The following FNBP1 variants were observed in gnomAD, a reference collection of about 807,000 sequenced individuals.
FNBP1 encodes the protein formin binding protein 1, also known as formin-binding protein 1.
Under a neutral mutation model 90.6 loss-of-function variants are expected in FNBP1, and 26 were observed. The observed-to-expected ratio is 0.29, with a 90% CI of 0.21 to 0.40. The LOEUF (loss-of-function observed/expected upper bound fraction) is 0.40, where lower values mean the gene tolerates loss of function less well. FNBP1 is among the 10% of genes least tolerant of loss of function. The probability of loss-of-function intolerance (pLI) is 1.00; values close to 1 mark genes in which losing one functional copy is unlikely to be tolerated. For synonymous variants in FNBP1, 260 were observed against 265.2 expected, an observed-to-expected ratio of 0.98 and a Z score of 0.19; for missense variants, 635 against 768.0, an observed-to-expected ratio of 0.83 and a Z score of 2.05.
At chr9:129,919,327 TTTCAAAATCTTTC>T (rs2040749685) in intron 10 of FNBP1, 1 of 602,460 alleles carries the variant, frequency 1.7e-6, no homozygotes, top group African/African-American at 1.9e-5. Context: ...TGGTAAGGAT[TTTCAAAATCTTTC>T]GGTCAACTTT....
intron 7 of FNBP1, among the ~76,000 whole-genome samples, chr9:129,928,207 C>A (rs975506086): frequency 2.6e-5 from 4 of 152,128 alleles, no homozygotes; most frequent in African/African-American, 9.7e-5. Context: ...TTTTTGACAA[C>A]CTAACATGAG....
intron 2 of FNBP1, among the ~76,000 whole-genome samples, chr9:129,985,879 T>G (rs1056781476): frequency 2.7e-5 from 4 of 150,668 alleles, no homozygotes; most frequent in Non-Finnish European, 5.9e-5. Flanking sequence ...GGAGAATCGC[T>G]TCAACCCAGG....
intron 11 of FNBP1, among the ~76,000 whole-genome samples, chr9:129,912,601 T>C (rs1426113516): frequency 6.7e-6 from 1 of 148,244 alleles, no homozygotes; most frequent in Non-Finnish European, 1.5e-5. Flanking sequence ...GGCAGGAAAA[T>C]CGCTTGAACC....
At chr9:129,955,603 C>G (rs941186352) in intron 6 of FNBP1, among the ~76,000 whole-genome samples, 3 of 151,664 alleles carry the variant, frequency 2.0e-5, no homozygotes, top group African/African-American at 7.3e-5. Context: ...CTCCTGTAGT[C>G]CCAGCTACTC....
intron 11 of FNBP1, among the ~76,000 whole-genome samples, chr9:129,914,163 T>C (rs2039849896): frequency 1.3e-5 from 2 of 151,430 alleles, no homozygotes; most frequent in African/African-American, 4.8e-5. Flanking sequence ...GTCCCACATC[T>C]TTTTTCTTTT....
chr9:129,965,698 G>GCGCGCA (rs2048457949), intron 4 of FNBP1, among the ~76,000 whole-genome samples: 1 of 66,566 alleles, frequency 1.5e-5, no homozygotes, highest in Admixed American at 1.6e-4. Flanking sequence ...ACACACACAC[G>GCGCGCA]CGCGCGCGCG....
rs530099308 is a variant in FNBP1 at position 129,972,129 on chromosome 9, TTTTA to T, written c.345+6332_345+6335del. 2.4e-3 allele frequency among the ~76,000 whole-genome samples: 363 copies of T among 152,222 alleles called. 1 individual carries two copies. Among genetic ancestry groups the T allele is most frequent in the African/African-American group, 8.2e-3 (340 of 41,550 alleles). The stretch of plus-strand genomic sequence containing the variant: ...TCCTATGCCATCAACCAATTCCACA[TTTTA>T]TTTATTTATTTATTTTTCGAGATGG... On this transcript the variant is annotated intron_variant, in intron 4 of 16. Transcript: ENST00000446176.
chr9:130,001,325 A>C (rs1418408181), intron 1 of FNBP1, among the ~76,000 whole-genome samples: 13 of 10,342 alleles, frequency 1.3e-3, no homozygotes, highest in Non-Finnish European at 0.011. Context: ...AAAACAAAAC[A>C]AAACAAAAAA....
At chr9:130,016,718 G>T (rs2057279193) in intron 1 of FNBP1, among the ~76,000 whole-genome samples, 1 of 152,014 alleles carries the variant, frequency 6.6e-6, no homozygotes, top group Admixed American at 6.6e-5. Flanking sequence ...ACTCTAGCCT[G>T]GACAACAAGA....
chr9:129,962,462 C>G (rs1341745944), intron 4 of FNBP1, among the ~76,000 whole-genome samples: 1 of 152,174 alleles, frequency 6.6e-6, no homozygotes, highest in East Asian at 1.9e-4. Context: ...CAAAGAGGTC[C>G]ACTAGGTAGA....
intron 12 of FNBP1, among the ~76,000 whole-genome samples, chr9:129,903,757 C>T (rs902114314): frequency 6.6e-5 from 10 of 152,132 alleles, no homozygotes; most frequent in Non-Finnish European, 1.5e-4. Context: ...TCTTGAACTC[C>T]TGGCCTCAAG....
chr9:130,014,059 A>T, intron 1 of FNBP1: 1 of 456,714 alleles, frequency 2.2e-6, no homozygotes. Flanking sequence ...AAGTCCAAAA[A>T]TAGGCAAAAC....
chr9:129,917,479 C>T (rs1012756927), intron 10 of FNBP1, among the ~76,000 whole-genome samples: 13 of 151,954 alleles, frequency 8.6e-5, no homozygotes, highest in African/African-American at 3.1e-4. Context: ...ACTATAGGTA[C>T]GTGCCACCAC....
At chr9:129,911,415 C>A (rs10739766) in intron 11 of FNBP1, among the ~76,000 whole-genome samples, 1 of 151,978 alleles carries the variant, frequency 6.6e-6, no homozygotes, top group African/African-American at 2.4e-5. Flanking sequence ...TATTAGGATG[C>A]GATCAGGCAG....
the FNBP1 span, among the ~76,000 whole-genome samples, chr9:130,050,665 T>TTTTTG: frequency 6.6e-6 from 1 of 151,374 alleles, no homozygotes; most frequent in African/African-American, 2.4e-5. Flanking sequence ...TTTTTTTATT[T>TTTTTG]GACAGGGTCT....
At chr9:129,911,625 C>G in intron 11 of FNBP1, among the ~76,000 whole-genome samples, 1 of 152,132 alleles carries the variant, frequency 6.6e-6, no homozygotes, top group Non-Finnish European at 1.5e-5. Flanking sequence ...TAATAATATC[C>G]TTTGTAATAA....
At chr9:129,932,875 C>G (rs1222309419) in intron 6 of FNBP1, among the ~76,000 whole-genome samples, 1 of 152,134 alleles carries the variant, frequency 6.6e-6, no homozygotes, top group Admixed American at 6.6e-5. Context: ...CACCTACATG[C>G]ATTCCATCTG....
At chr9:129,901,865 T>C (rs1288837860) in intron 13 of FNBP1, among the ~76,000 whole-genome samples, 1 of 152,040 alleles carries the variant, frequency 6.6e-6, no homozygotes, top group African/African-American at 2.4e-5. Flanking sequence ...TGAGGTGAGA[T>C]CACGCTACTA....
In FNBP1 at chr9:130,031,397, G is replaced by C. The variant is rs2058790502; in HGVS notation, c.24+11555C>G. 6.6e-6 allele frequency among the ~76,000 whole-genome samples: 1 copy of C among 152,090 alleles called. No homozygotes were observed. The highest frequency in any genetic ancestry group is 1.5e-5 in the Non-Finnish European group (1 of 68,008). The stretch of plus-strand genomic sequence containing the variant: ...TTTTAGCTATAGTCTGCCTCTTCAG[G>C]CTCCTATTACAACTCCATCACCTGC... On this transcript the variant is annotated intron_variant, in intron 1 of 16. Coordinates refer to ENST00000446176, the MANE Select transcript of FNBP1 (RefSeq NM_015033.3). This position sits in a 1 kb window ranked among gnomAD's most constrained non-coding sequence, Gnocchi z 4.2.
Sources: allele counts gnomAD v4.1 joint callset (sites outside exome capture counted in the v4.1 genomes callset), GRCh38; gene constraint gnomAD v4.1.1; non-coding constraint Gnocchi (gnomAD v3.1); transcripts MANE v1.5; gene names NCBI Gene and HGNC (gene_info 2026-07-23, HGNC 2026-07-21).